ACSL4: variants seen among roughly 807,000 people sequenced by gnomAD.
ACSL4 encodes acyl-CoA synthetase long chain family member 4.
Under a neutral mutation model 49.1 loss-of-function variants are expected in ACSL4, and 9 were observed. The ratio of observed to expected loss-of-function variants is 0.18; its 90% CI spans 0.11 to 0.32. The LOEUF (loss-of-function observed/expected upper bound fraction) is 0.32, where lower values mean the gene tolerates loss of function less well. ACSL4 is among the 10% of genes least tolerant of loss of function. The pLI is 1.00. For synonymous variants in ACSL4, 191 were observed against 170.3 expected (o/e 1.12, Z -0.95); for missense variants, 333 against 493.7 (o/e 0.67, Z 3.08).
At chrX:109,664,680 A>C (rs865864335) in intron 12 of ACSL4, among the ~76,000 whole-genome samples, 74 of 112,297 alleles carry the variant, frequency 6.6e-4, no homozygotes, top group African/African-American at 2.3e-3. Flanking sequence ...TAAGGGTTGC[A>C]TCCTACACGG....
At chrX:109,726,752 C>T (rs1928028795) in intron 1 of ACSL4, among the ~76,000 whole-genome samples, 1 of 112,021 alleles carries the variant, frequency 8.9e-6, no homozygotes, top group African/African-American at 3.2e-5. Context: ...AATCATAGCT[C>T]TCTGCAGCCT....
In ACSL4 at chrX:109,645,213, G is replaced by C. The variant is rs765913041; in HGVS notation, c.1856-1027C>G. 3.1e-4 allele frequency among the ~76,000 whole-genome samples: 35 copies of C among 113,098 alleles called. 2 individuals carry two copies. In the South Asian group the frequency reaches 4.7e-3, roughly 15 times the overall value. ...CCTGCCTCTGTAGGCTCCACCTCTG[G>C]GGGCAGGGCACAGACAAACAAAAAG... On this transcript the variant is annotated intron_variant, in intron 15 of 15. Coordinates refer to ENST00000672401, the MANE Select transcript of ACSL4 (RefSeq NM_001318510.2).
In ACSL4 at chrX:109,697,716, G is replaced by C. The variant is rs191911366; in HGVS notation, c.-65-1520C>G. Among the ~76,000 whole-genome samples, 11 of 97,374 alleles carry C rather than the reference G, an allele frequency of 1.1e-4. No individual in the cohort carries two copies. In the East Asian group the frequency reaches 3.8e-3, roughly 34 times the overall value. 84.6% of individuals were successfully genotyped at this position (97,374 alleles called of 115,157 possible). On this transcript the variant is annotated intron_variant, in intron 1 of 15. Coordinates refer to ENST00000672401, the MANE Select transcript of ACSL4 (RefSeq NM_001318510.2). ...CTAACATTTGCTATTGACATGGGGGGGGGGGCGCGGGGAACTTGCATATAG... is the reference window on the plus strand; with the variant it reads ...CTAACATTTGCTATTGACATGGGGGCGGGGGCGCGGGGAACTTGCATATAG...
rs771952669 is a variant in ACSL4, at chrX:109,686,062, G to A, written c.-12-2687C>T. Among the ~76,000 whole-genome samples the A allele has an allele frequency of 5.4e-5, 6 of 111,761 alleles. No individual in the cohort carries two copies. The East Asian group carries it at 1.7e-3, about 31-fold the overall frequency. On this transcript the variant is annotated intron_variant, in intron 2 of 15. Transcript: ENST00000672401. The stretch of plus-strand genomic sequence containing the variant: ...CATTCATTTCTTCAAGATAAGGTAT[G>A]TCATGTCAAGGGTTTATCATAATGC...
intron 15 of ACSL4, among the ~76,000 whole-genome samples, chrX:109,647,051 T>C (rs189210990): frequency 1.5e-3 from 167 of 111,215 alleles, no homozygotes; most frequent in African/African-American, 5.1e-3. Context: ...AAAAGAGACT[T>C]AGACTCCCAC....
intron 9 of ACSL4, among the ~76,000 whole-genome samples, chrX:109,670,515 G>A (rs749364245): frequency 9.3e-6 from 1 of 106,985 alleles, no homozygotes. Context: ...AACCCGGGAG[G>A]TGGAGGTTGC....
At chrX:109,726,787 T>A (rs1219435098) in intron 1 of ACSL4, among the ~76,000 whole-genome samples, 1 of 112,004 alleles carries the variant, frequency 8.9e-6, no homozygotes, top group Non-Finnish European at 1.9e-5. Flanking sequence ...CAAGGGATCC[T>A]CCCACTTCAG....
chrX:109,679,305 A>T (rs1252900364), intron 6 of ACSL4, among the ~76,000 whole-genome samples: 2 of 112,052 alleles, frequency 1.8e-5, no homozygotes. Flanking sequence ...GTGCTAGCCT[A>T]GTAACCACTT....
At chrX:109,723,332 T>A (rs763252551) in intron 1 of ACSL4, among the ~76,000 whole-genome samples, 6 of 111,965 alleles carry the variant, frequency 5.4e-5, no homozygotes, top group Admixed American at 4.8e-4. Context: ...AAAGTAAAAC[T>A]ATACTGCCCT....
chrX:109,667,892 C>CA (rs1208639189), intron 11 of ACSL4, among the ~76,000 whole-genome samples: 277 of 82,183 alleles, frequency 3.4e-3, no homozygotes, highest in East Asian at 0.029. Context: ...AACTCCATCT[C>CA]AAAAAAAAAA....
chrX:109,648,213 CACA>C (rs1442961532), intron 15 of ACSL4, among the ~76,000 whole-genome samples: 1 of 111,174 alleles, frequency 9.0e-6, no homozygotes, highest in Non-Finnish European at 1.9e-5. Flanking sequence ...CTGGCAGAGA[CACA>C]ACCAAAAAAG....
At chrX:109,716,525 A>G (rs1273425306) in intron 1 of ACSL4, among the ~76,000 whole-genome samples, 2 of 112,336 alleles carry the variant, frequency 1.8e-5, no homozygotes, top group African/African-American at 6.5e-5. Context: ...CATCTTGATC[A>G]ATTTCATCTA....
chrX:109,659,911 G>A lies in ACSL4; in HGVS notation c.1698-400C>T, dbSNP rs189414926. 1.6e-4 allele frequency among the ~76,000 whole-genome samples: 18 copies of A among 110,013 alleles called. No homozygotes were observed. In the East Asian group the frequency reaches 3.4e-3, roughly 21 times the overall value. On this transcript the variant is annotated intron_variant, in intron 14 of 15. Coordinates refer to ENST00000672401, the MANE Select transcript of ACSL4 (RefSeq NM_001318510.2). Reference sequence around the variant, plus strand: ...CTAAACATCGAAGAGCTATTAAGTCGGTGCAAAAGTAATTGACATTAATGG... The same window carrying A: ...CTAAACATCGAAGAGCTATTAAGTCAGTGCAAAAGTAATTGACATTAATGG...
chrX:109,674,524 G>A (rs754636860), intron 8 of ACSL4, 51 bp from the exon 9 acceptor site: 2 of 916,534 alleles, frequency 2.2e-6, no homozygotes, highest in South Asian at 4.2e-5. Context: ...CTTAAAACAT[G>A]TTGTAATTCA....
intron 10 of ACSL4, among the ~76,000 whole-genome samples, chrX:109,668,490 G>A (rs1320229159): frequency 9.0e-6 from 1 of 111,232 alleles, no homozygotes; most frequent in Non-Finnish European, 1.9e-5. Context: ...GTGTAGCATC[G>A]GGAAACTATG....
At chrX:109,662,321 A>C (rs1030032110) in intron 13 of ACSL4, among the ~76,000 whole-genome samples, 14 of 111,121 alleles carry the variant, frequency 1.3e-4, no homozygotes, top group Admixed American at 7.7e-4. Flanking sequence ...AGTGCAATTA[A>C]GGAACAAGGG....
intron 15 of ACSL4, among the ~76,000 whole-genome samples, chrX:109,646,705 C>A (rs973498785): frequency 1.8e-5 from 2 of 110,646 alleles, no homozygotes; most frequent in African/African-American, 3.3e-5. Flanking sequence ...CTAAATGCTC[C>A]AATTAAAAGA....
At chrX:109,710,022 T>A (rs1926643197) in intron 1 of ACSL4, among the ~76,000 whole-genome samples, 1 of 111,586 alleles carries the variant, frequency 9.0e-6, no homozygotes, top group African/African-American at 3.3e-5. Flanking sequence ...GGAGAATCGC[T>A]TGAACCCGGG....
intron 1 of ACSL4, among the ~76,000 whole-genome samples, chrX:109,706,968 AAAACATAAG>A (rs1926395161): frequency 2.7e-5 from 3 of 112,728 alleles, no homozygotes; most frequent in African/African-American, 9.7e-5. Context: ...TAAAATGGCA[AAAACATAAG>A]TCTTACACAC....
Sources: gnomAD v4.1 joint callset for allele counts (sites outside exome capture counted in the v4.1 genomes callset) on GRCh38, gnomAD v4.1.1 for gene constraint, MANE v1.5 for transcripts, NCBI Gene and HGNC (gene_info 2026-07-23, HGNC 2026-07-21) for gene names.